JAK2: variants seen among roughly 807,000 people sequenced by gnomAD.
The protein encoded by JAK2 is tyrosine-protein kinase JAK2.
A neutral mutation model predicts 139.3 loss-of-function variants in JAK2; 86 were observed. The observed-to-expected ratio is 0.62, with a 90% CI of 0.52 to 0.74. JAK2 has a LOEUF of 0.74. Among genes scored for constraint, JAK2 ranks in the 30% least tolerant of loss-of-function variants. The pLI is 0.00. For synonymous variants in JAK2, 490 were observed against 437.7 expected (o/e 1.12, Z -1.49); for missense variants, 1,421 against 1,360.3 (o/e 1.04, Z -0.70).
chr9:5,096,434 C>A (rs1304150040), intron 22 of JAK2, among the ~76,000 whole-genome samples: 3 of 152,152 alleles, frequency 2.0e-5, no homozygotes, highest in African/African-American at 7.2e-5. Context: ...TTCAAACCCA[C>A]AAAAATTTAG....
chr9:5,089,501 G>GCACTC (rs1354838178), intron 19 of JAK2, among the ~76,000 whole-genome samples, 173 bp from the exon 20 acceptor site: 2 of 121,514 alleles, frequency 1.6e-5, no homozygotes, highest in Non-Finnish European at 3.1e-5. Flanking sequence ...TCGTGCCACT[G>GCACTC]CACTCCAACC....
chr9:5,073,681 C>CTTTTTTTTTTT lies in JAK2; in HGVS notation c.1777-7_1777-6insTTTTTTTTTTT. 1 of 1,425,788 alleles carries CTTTTTTTTTTT rather than the reference C, an allele frequency of 7.0e-7. No individual in the cohort carries two copies. The highest frequency in any genetic ancestry group is 9.6e-7 in the Non-Finnish European group (1 of 1,037,198). 88.3% of individuals were successfully genotyped at this position (1,425,788 alleles called of 1,614,324 possible). A position where few individuals can be genotyped will look rare whatever the true frequency, so the allele number is the denominator to read the frequency against. The stretch of plus-strand genomic sequence containing the variant: ...AACAGTCAAACAACAATTCTTTGTA[C>CTTTTTTTTTTT]TTTTTTTTTTCCTTAGTCTTTCTTT... On this transcript the variant is annotated splice_polypyrimidine_tract_variant and intron_variant, in intron 13 of 24. Coordinates refer to ENST00000381652, the MANE Select transcript of JAK2 (RefSeq NM_004972.4).
chr9:5,115,210 G>A (rs1490822066), intron 22 of JAK2, among the ~76,000 whole-genome samples: 5 of 151,940 alleles, frequency 3.3e-5, no homozygotes, highest in Admixed American at 2.6e-4. Context: ...ACTTAAACAA[G>A]TTCACAAGAA....
intron 22 of JAK2, chr9:5,094,268 G>C (rs572482795): frequency 2.0e-5 from 3 of 152,082 alleles, no homozygotes; most frequent in African/African-American, 4.8e-5. Flanking sequence ...GACCCTCAAC[G>C]TCTACTGTTA....
Position 5,062,500 on chromosome 9 carries a change from TAAAAAA to T in JAK2, c.1057-2357_1057-2352del, listed in dbSNP as rs58424625. Among the ~76,000 whole-genome samples, 386 of 58,200 alleles carry T rather than the reference TAAAAAA, an allele frequency of 6.6e-3. 3 individuals carry two copies. Among genetic ancestry groups the T allele is most frequent in the African/African-American group, 0.039 (371 of 9,554 alleles). 38.2% of individuals were successfully genotyped at this position (58,200 alleles called of 152,430 possible). On this transcript the variant is annotated intron_variant, in intron 8 of 24. Transcript: ENST00000381652. ...AAGTTTGTCAGAAACCTTCCATTTGTAAAAAAAAAAAAAAAAAAAAAAAAAAAAAAA... is the reference window on the plus strand; with the variant it reads ...AAGTTTGTCAGAAACCTTCCATTTGTAAAAAAAAAAAAAAAAAAAAAAAAA...
intron 4 of JAK2, among the ~76,000 whole-genome samples, 184 bp downstream of exon 4, chr9:5,030,090 G>A (rs562092300): frequency 6.6e-6 from 1 of 152,166 alleles, no homozygotes; most frequent in Non-Finnish European, 1.5e-5. Flanking sequence ...TACATGTTGT[G>A]TAAGTAGAAT....
At chr9:5,031,566 A>G (rs1231207628) in intron 4 of JAK2, among the ~76,000 whole-genome samples, 1 of 152,250 alleles carries the variant, frequency 6.6e-6, no homozygotes, top group African/African-American at 2.4e-5. Flanking sequence ...GATAAATTAT[A>G]GATTGATTAA....
intron 22 of JAK2, chr9:5,113,824 G>A (rs1053173507): frequency 2.3e-5 from 4 of 175,658 alleles, no homozygotes; most frequent in South Asian, 1.2e-4. Flanking sequence ...TCTGTGGTCC[G>A]CAGACCAGGT....
chr9:5,029,541 A>C (rs987689266), intron 3 of JAK2, among the ~76,000 whole-genome samples: 1 of 152,214 alleles, frequency 6.6e-6, no homozygotes, highest in African/African-American at 2.4e-5. Context: ...AAAGAAAAAA[A>C]CCCCACAATA....
intron 2 of JAK2, among the ~76,000 whole-genome samples, chr9:5,020,898 G>A (rs1427962659): frequency 6.6e-6 from 1 of 152,074 alleles, no homozygotes; most frequent in Non-Finnish European, 1.5e-5. Flanking sequence ...TGTGGGTTGG[G>A]CTTTAAAAAT....
intron 7 of JAK2, among the ~76,000 whole-genome samples, chr9:5,055,276 G>C (rs1412380060): frequency 1.3e-5 from 2 of 151,880 alleles, no homozygotes; most frequent in African/African-American, 4.8e-5. Flanking sequence ...ATTTATTTTA[G>C]GTTTGCATTG....
intron 8 of JAK2, among the ~76,000 whole-genome samples, chr9:5,061,856 G>C (rs1035367979): frequency 3.9e-5 from 6 of 152,192 alleles, no homozygotes; most frequent in African/African-American, 1.4e-4. Context: ...TTTAAAGTGA[G>C]AGATGGGTGA....
intron 22 of JAK2, chr9:5,091,275 T>C (rs1820551189): frequency 6.2e-6 from 1 of 160,842 alleles, no homozygotes; most frequent in Non-Finnish European, 1.3e-5. Context: ...TTTACTTGGG[T>C]GGTATAATGG....
chr9:5,118,142 C>G (rs1041918362), intron 22 of JAK2, among the ~76,000 whole-genome samples: 9 of 152,184 alleles, frequency 5.9e-5, no homozygotes, highest in Admixed American at 4.6e-4. Flanking sequence ...GCCTGGGCGA[C>G]AGAGCGAGAC....
At chr9:5,120,985 T>C (rs1823575767) in intron 22 of JAK2, among the ~76,000 whole-genome samples, 1 of 152,154 alleles carries the variant, frequency 6.6e-6, no homozygotes, top group African/African-American at 2.4e-5. Flanking sequence ...AAAGATATGG[T>C]TATAAATTTG....
intron 2 of JAK2, among the ~76,000 whole-genome samples, chr9:4,987,274 T>G (rs894033515): frequency 2.0e-5 from 3 of 152,184 alleles, no homozygotes; most frequent in African/African-American, 7.2e-5. Context: ...GTGTGTGCCT[T>G]TGGTGATTTG....
intron 4 of JAK2, among the ~76,000 whole-genome samples, chr9:5,034,060 C>CG (rs1467472032): frequency 1.3e-5 from 2 of 151,430 alleles, no homozygotes; most frequent in Non-Finnish European, 2.9e-5. Flanking sequence ...ACCAAGCAAA[C>CG]GGAAAACAAA....
chr9:5,099,130 CA>C (rs1181269968), intron 22 of JAK2: 1 of 152,214 alleles, frequency 6.6e-6, no homozygotes, highest in Non-Finnish European at 1.5e-5. Flanking sequence ...AGACATCCTG[CA>C]CTCATGAACT....
intron 22 of JAK2, among the ~76,000 whole-genome samples, chr9:5,105,026 C>A (rs142657021): frequency 5.6e-4 from 85 of 152,296 alleles, no homozygotes; most frequent in African/African-American, 1.8e-3. Flanking sequence ...TGTCACCATT[C>A]CTATTCAACA....
Sources: allele counts gnomAD v4.1 joint callset (sites outside exome capture counted in the v4.1 genomes callset), GRCh38; gene constraint gnomAD v4.1.1; transcripts MANE v1.5; gene names NCBI Gene and HGNC (gene_info 2026-07-23, HGNC 2026-07-21).